Variants in KCNN3 observed in about 807,000 individuals in gnomAD.
The protein encoded by KCNN3 is small conductance calcium-activated potassium channel protein 3.
KCNN3 carries 16 observed loss-of-function variants against 62.9 expected under a neutral mutation model. The observed-to-expected ratio is 0.25, with a 90% CI of 0.17 to 0.39. The LOEUF (loss-of-function observed/expected upper bound fraction) is 0.39, where lower values mean the gene tolerates loss of function less well. Ranked by LOEUF, KCNN3 falls within the 10% of genes least tolerant of loss-of-function variation. The pLI is 1.00. For synonymous variants in KCNN3, 370 were observed against 389.2 expected (o/e 0.95, Z 0.58); for missense variants, 599 against 949.4 (o/e 0.63, Z 4.85).
chr1:154,750,894 A>G (rs1156929843), intron 3 of KCNN3, among the ~76,000 whole-genome samples: 1 of 152,216 alleles, frequency 6.6e-6, no homozygotes, highest in Non-Finnish European at 1.5e-5. Flanking sequence ...CGGTGAGAGC[A>G]GCCCTGGACA....
At position 154,851,731 on chromosome 1, in the gene KCNN3, C is replaced by T. The variant is rs113562868; in HGVS notation, c.933+17301G>A. ...ACCACCCAGGTCCAAACCATCACCA[C>T]CCTCACCTGAGCTGTCCCCACAGCC... is the stretch of plus-strand genomic sequence containing the variant. On this transcript the variant is annotated intron_variant, in intron 1 of 7. Transcript: ENST00000271915. Among the ~76,000 whole-genome samples the T allele has an allele frequency of 3.5e-3, 537 of 152,332 alleles. 5 individuals are homozygous for T. Among genetic ancestry groups the T allele is most frequent in the Middle Eastern group, 0.014 (4 of 294 alleles).
At chr1:154,835,459 G>A (rs11584630) in intron 1 of KCNN3, among the ~76,000 whole-genome samples, 46,842 of 152,060 alleles carry the variant, frequency 0.31, 7,646 homozygotes, top group Middle Eastern at 0.37. Context: ...CACTCCATTA[G>A]CAGACACTTT....
chr1:154,748,163 C>T (rs1466223771), intron 3 of KCNN3, among the ~76,000 whole-genome samples: 1 of 152,182 alleles, frequency 6.6e-6, no homozygotes. Flanking sequence ...CTGGTCTCAT[C>T]TCACTCCCTG....
At chr1:154,796,172 C>T (rs1041393610) in intron 2 of KCNN3, among the ~76,000 whole-genome samples, 1 of 152,032 alleles carries the variant, frequency 6.6e-6, no homozygotes, top group Non-Finnish European at 1.5e-5. Context: ...TAATTTATGC[C>T]CACTGGAAAA....
intron 3 of KCNN3, among the ~76,000 whole-genome samples, chr1:154,742,752 G>A (rs141610774): frequency 3.2e-4 from 49 of 152,332 alleles, no homozygotes; most frequent in African/African-American, 1.2e-3. Flanking sequence ...TCGCGAGGCC[G>A]CGGTGAGGAG....
intron 1 of KCNN3, among the ~76,000 whole-genome samples, chr1:154,823,478 C>T (rs1650987110): frequency 6.6e-6 from 1 of 152,184 alleles, no homozygotes; most frequent in Non-Finnish European, 1.5e-5. Flanking sequence ...CAACAGCCCT[C>T]GGCCTTTTAC....
intron 2 of KCNN3, among the ~76,000 whole-genome samples, chr1:154,798,845 A>G (rs1011508451): frequency 2.0e-5 from 3 of 151,910 alleles, no homozygotes; most frequent in African/African-American, 7.3e-5. Context: ...CCACCTCACT[A>G]TACTGTGGGC....
intron 1 of KCNN3, among the ~76,000 whole-genome samples, chr1:154,830,638 A>G (rs1651345216): frequency 6.6e-6 from 1 of 152,216 alleles, no homozygotes; most frequent in Admixed American, 6.5e-5. Flanking sequence ...GCCCTGGAGC[A>G]TTTCCCTGGA....
rs188281592 is a variant in KCNN3, at chr1:154,828,309, C to A, written c.934-6125G>T. Among the ~76,000 whole-genome samples the A allele has an allele frequency of 5.1e-3, 769 of 152,032 alleles. 2 individuals are homozygous for A. The highest frequency in any genetic ancestry group is 6.7e-3 in the Non-Finnish European group (457 of 67,988). ...AAGGCGCCGAGCACACATGCCATGA[C>A]AAACAGGTCATAGGGACATGTCCAA... is the stretch of plus-strand genomic sequence containing the variant. On this transcript the variant is annotated intron_variant, in intron 1 of 7. Coordinates refer to ENST00000271915, the MANE Select transcript of KCNN3 (RefSeq NM_002249.6).
At chr1:154,722,824 C>T (rs1190579631) in intron 5 of KCNN3, among the ~76,000 whole-genome samples, 2 of 151,410 alleles carry the variant, frequency 1.3e-5, no homozygotes, top group African/African-American at 2.4e-5. Context: ...CTCTGCCTCC[C>T]AGATTCAAGC....
intron 2 of KCNN3, among the ~76,000 whole-genome samples, chr1:154,797,131 T>A (rs971525511): frequency 1.3e-5 from 2 of 152,126 alleles, no homozygotes; most frequent in Admixed American, 6.5e-5. Context: ...ACCTCGTCCC[T>A]CCCCCTAGAA....
intron 1 of KCNN3, among the ~76,000 whole-genome samples, chr1:154,826,062 CAA>C (rs66840003): frequency 0.57 from 73,447 of 128,702 alleles, 22,339 homozygotes; most frequent in Middle Eastern, 0.65. Flanking sequence ...AAAACAAAAA[CAA>C]AAACAAAAAC....
At chr1:154,770,970 T>C (rs905562410) in intron 3 of KCNN3, among the ~76,000 whole-genome samples, 21 of 151,568 alleles carry the variant, frequency 1.4e-4, no homozygotes. Flanking sequence ...GGCAGGAGAA[T>C]TGCTTGAACA....
chr1:154,733,725 C>T lies in KCNN3; in HGVS notation c.1449-581G>A, dbSNP rs74115848. Among the ~76,000 whole-genome samples the T allele has an allele frequency of 4.6e-3, 704 of 152,236 alleles. 7 individuals are homozygous for T. The highest frequency in any genetic ancestry group is 0.016 in the African/African-American group (661 of 41,532). On this transcript the variant is annotated intron_variant, in intron 3 of 7. Coordinates refer to ENST00000271915, the MANE Select transcript of KCNN3 (RefSeq NM_002249.6). ...CAGAGGCCTCCCTTTCTGAGTCAGA[C>T]AGGGGCTTGTAGCTGCCCCGCCCTG...
At chr1:154,811,591 A>T (rs1432015586) in intron 2 of KCNN3, among the ~76,000 whole-genome samples, 1 of 152,182 alleles carries the variant, frequency 6.6e-6, no homozygotes, top group African/African-American at 2.4e-5. Context: ...GGAGGAAACA[A>T]AACTGCTCAA....
chr1:154,779,325 C>T (rs974597862), intron 2 of KCNN3, among the ~76,000 whole-genome samples: 1 of 152,202 alleles, frequency 6.6e-6, no homozygotes, highest in Admixed American at 6.5e-5. Flanking sequence ...CTGTGCCCAA[C>T]ATTTTCCTTT....
chr1:154,739,141 T>C (rs191595255), intron 3 of KCNN3, among the ~76,000 whole-genome samples: 63 of 152,332 alleles, frequency 4.1e-4, no homozygotes, highest in African/African-American at 1.5e-3. Flanking sequence ...TAAAAGTAGC[T>C]GCCTCTGGAG....
intron 3 of KCNN3, among the ~76,000 whole-genome samples, chr1:154,734,052 G>A (rs1313447487): frequency 6.6e-6 from 1 of 152,200 alleles, no homozygotes; most frequent in Non-Finnish European, 1.5e-5. Context: ...GGTCCACAGA[G>A]GTGCCACAGA....
chr1:154,756,128 GGAGGAGGAA>G (rs1281311426), intron 3 of KCNN3, among the ~76,000 whole-genome samples: 1 of 106,866 alleles, frequency 9.4e-6, no homozygotes, highest in Non-Finnish European at 1.8e-5. Context: ...AGGAAGATGA[GGAGGAGGAA>G]GAGGAGGAAG....
Sources: gnomAD v4.1 joint callset for allele counts (sites outside exome capture counted in the v4.1 genomes callset) on GRCh38, gnomAD v4.1.1 for gene constraint, MANE v1.5 for transcripts, NCBI Gene and HGNC (gene_info 2026-07-23, HGNC 2026-07-21) for gene names.